The following SLC25A26 variants were observed in gnomAD, a reference collection of about 807,000 sequenced individuals.
SLC25A26 encodes the protein solute carrier family 25 member 26, also known as mitochondrial S-adenosylmethionine carrier protein.
Under a neutral mutation model 37.8 loss-of-function variants are expected in SLC25A26, and 36 were observed. The ratio of observed to expected loss-of-function variants is 0.95; its 90% confidence interval spans 0.73 to 1.26. The LOEUF is 1.26. SLC25A26 is among the 50% of genes most tolerant of loss of function. The pLI, the probability that SLC25A26 is intolerant of heterozygous loss-of-function variation, is 0.00. For synonymous variants in SLC25A26, 129 were observed against 122.5 expected (o/e 1.05, Z -0.35); for missense variants, 390 against 331.1 (o/e 1.18, Z -1.38).
chr3:66,327,415 A>G (rs1373204206), intron 5 of SLC25A26, among the ~76,000 whole-genome samples: 1 of 152,168 alleles, frequency 6.6e-6, no homozygotes, highest in African/African-American at 2.4e-5. Flanking sequence ...TGTTTTATAT[A>G]TTTCTGCTGT....
At chr3:66,306,677 C>A (rs1418502130) in intron 5 of SLC25A26, among the ~76,000 whole-genome samples, 1 of 152,138 alleles carries the variant, frequency 6.6e-6, no homozygotes, top group Non-Finnish European at 1.5e-5. Context: ...CCCCAACAGG[C>A]CCCAGTGTGA....
intron 3 of SLC25A26, among the ~76,000 whole-genome samples, chr3:66,260,690 C>T (rs1031171846): frequency 2.0e-5 from 3 of 152,198 alleles, no homozygotes; most frequent in Non-Finnish European, 4.4e-5. Context: ...CCAGTCTGCT[C>T]TTGCCAAGGC....
At chr3:66,195,564 T>C (rs1277127469) in intron 1 of SLC25A26, among the ~76,000 whole-genome samples, 2 of 152,234 alleles carry the variant, frequency 1.3e-5, no homozygotes, top group Middle Eastern at 3.2e-3. Flanking sequence ...CAAGTGCGCT[T>C]GCGCCGGGCA....
chr3:66,138,129 C>T (rs566162075), intron 1 of SLC25A26, among the ~76,000 whole-genome samples: 15 of 152,282 alleles, frequency 9.9e-5, no homozygotes, highest in African/African-American at 2.9e-4. Flanking sequence ...CCACCATGAT[C>T]GGCCCACATG....
upstream of SLC25A26, among the ~76,000 whole-genome samples, chr3:66,217,850 T>C (rs2071384469): frequency 6.6e-6 from 1 of 152,198 alleles, no homozygotes; most frequent in Middle Eastern, 3.2e-3. Context: ...GCGCCCAGCC[T>C]TATAGTTTAT....
At chr3:66,251,972 CAATT>C (rs147787612) in intron 3 of SLC25A26, among the ~76,000 whole-genome samples, 32,775 of 151,892 alleles carry the variant, frequency 0.22, 3,864 homozygotes, top group Admixed American at 0.28. Context: ...TTATAGAACA[CAATT>C]AAGTTGAGCT....
chr3:66,203,231 A>G (rs1460626007), intron 1 of SLC25A26, among the ~76,000 whole-genome samples: 1 of 152,072 alleles, frequency 6.6e-6, no homozygotes, highest in Non-Finnish European at 1.5e-5. Context: ...TAATTAAAAA[A>G]TTAGCCAGGC....
At chr3:66,339,316 G>T (rs904891018) in intron 5 of SLC25A26, among the ~76,000 whole-genome samples, 1 of 151,874 alleles carries the variant, frequency 6.6e-6, no homozygotes, top group Non-Finnish European at 1.5e-5. Context: ...TATTTTAAAC[G>T]CAAGTCCTTT....
At chr3:66,137,838 CT>C (rs1358426323) in intron 1 of SLC25A26, among the ~76,000 whole-genome samples, 1 of 151,606 alleles carries the variant, frequency 6.6e-6, no homozygotes, top group Admixed American at 6.6e-5. Context: ...TTTCTTTTTT[CT>C]TTTTTTTGTT....
chr3:66,236,657 A>G lies in SLC25A26; in HGVS notation c.147A>G (p.Ile49Met). 4.6e-6 allele frequency: 7 copies of G among 1,528,830 alleles called. No homozygotes were observed. Among genetic ancestry groups the G allele is most frequent in the South Asian group, 1.2e-5 (1 of 83,134 alleles). The allele number at this position is 1,528,830 out of a possible 1,614,324, so 94.7% of individuals were successfully genotyped here. A position where few individuals can be genotyped will look rare whatever the true frequency, so the allele number is the denominator to read the frequency against. Residue 49 changes from isoleucine (I) to methionine (M), a missense_variant, in exon 2 of 10, where the codon ATA becomes ATG. Physicochemically the swap from Ile to Met is conservative, Grantham distance 10. Transcript: ENST00000354883. ...GFSKAGGFHGIYAGVPSAAIG... is the reference protein window; with the variant it reads ...GFSKAGGFHGMYAGVPSAAIG... ...GTAAGGCTGGTGGTTTTCATGGAATATATGCTGGCGTTCCTTCTGCTGCTA... is the reference window on the plus strand; with the variant it reads ...GTAAGGCTGGTGGTTTTCATGGAATGTATGCTGGCGTTCCTTCTGCTGCTA...
rs1009957765 is a variant in SLC25A26 at position 66,304,364 on chromosome 3, C to G, written c.453+40985C>G. On this transcript the variant is annotated intron_variant, in intron 5 of 9. Transcript: ENST00000354883. ...CTGGAGCATACTTTTTCTTATGTCTCATATCTAAGCTAATATCTTCCCTTT... is the reference window on the plus strand; with the variant it reads ...CTGGAGCATACTTTTTCTTATGTCTGATATCTAAGCTAATATCTTCCCTTT... 14 of 447,630 alleles carry G rather than the reference C, an allele frequency of 3.1e-5. No individual in the cohort carries two copies. In the Admixed American group the frequency reaches 3.5e-4, roughly 11 times the overall value. The allele number at this position is 447,630 out of a possible 1,614,324, so 27.7% of individuals were successfully genotyped here. A position where few individuals can be genotyped will look rare whatever the true frequency, so the allele number is the denominator to read the frequency against.
intron 1 of SLC25A26, among the ~76,000 whole-genome samples, chr3:66,211,735 C>A (rs1239588135): frequency 1.3e-5 from 2 of 152,196 alleles, no homozygotes; most frequent in Non-Finnish European, 2.9e-5. Context: ...GTTTCACAAG[C>A]ATTTCATTTT....
intron 5 of SLC25A26, among the ~76,000 whole-genome samples, chr3:66,298,104 C>G (rs993855345): frequency 2.6e-5 from 4 of 152,186 alleles, no homozygotes; most frequent in African/African-American, 9.7e-5. Flanking sequence ...GAATCAGAAA[C>G]TTGGGGTGAG....
intron 1 of SLC25A26, among the ~76,000 whole-genome samples, chr3:66,206,871 C>T (rs1320580359): frequency 2.6e-5 from 4 of 151,262 alleles, no homozygotes; most frequent in African/African-American, 9.7e-5. Flanking sequence ...GCACTACCAC[C>T]CCTGGCTAAT....
chr3:66,363,654 T>C (rs2076763180), intron 7 of SLC25A26, among the ~76,000 whole-genome samples: 1 of 152,218 alleles, frequency 6.6e-6, no homozygotes, highest in Admixed American at 6.5e-5. Context: ...TGAAATACAA[T>C]GGAAATTTGC....
chr3:66,174,719 G>A (rs1198144138), intron 1 of SLC25A26, among the ~76,000 whole-genome samples: 1 of 151,732 alleles, frequency 6.6e-6, no homozygotes, highest in Non-Finnish European at 1.5e-5. Flanking sequence ...CCGGGAGGTG[G>A]AGCTTGCAGT....
At chr3:66,198,456 G>A (rs1287559942) in intron 1 of SLC25A26, among the ~76,000 whole-genome samples, 1 of 151,908 alleles carries the variant, frequency 6.6e-6, no homozygotes. Context: ...ACCCTCACTA[G>A]GACCTTGCCT....
At chr3:66,241,058 A>G (rs1205356920) in intron 2 of SLC25A26, among the ~76,000 whole-genome samples, 2 of 151,910 alleles carry the variant, frequency 1.3e-5, no homozygotes, top group African/African-American at 2.4e-5. Context: ...CCTTTTCTTA[A>G]TTTTTTGGTA....
chr3:66,338,545 A>G (rs1300253942), intron 5 of SLC25A26, among the ~76,000 whole-genome samples: 3 of 152,028 alleles, frequency 2.0e-5, no homozygotes, highest in Non-Finnish European at 1.5e-5. Flanking sequence ...TGCCACTACC[A>G]TAATCATAAT....
Sources: gnomAD v4.1 joint callset for allele counts (sites outside exome capture counted in the v4.1 genomes callset) on GRCh38, gnomAD v4.1.1 for gene constraint, MANE v1.5 for transcripts, NCBI Gene and HGNC (gene_info 2026-07-23, HGNC 2026-07-21) for gene names.